The following KYNU variants were observed in gnomAD, a reference collection of about 807,000 sequenced individuals.
KYNU encodes the protein kynureninase, also known as L-kynurenine hydrolase.
In KYNU, 54 loss-of-function variants were observed where a neutral mutation model predicts 59.2. That is an observed-to-expected ratio of 0.91 (90% CI 0.73 to 1.14). The LOEUF (loss-of-function observed/expected upper bound fraction) is 1.14. KYNU is among the 50% of genes most tolerant of loss of function. The pLI, the probability that KYNU is intolerant of heterozygous loss-of-function variation, is 0.00. For missense variants in KYNU, 567 were observed against 554.4 expected (o/e 1.02, Z -0.23); for synonymous variants, 177 against 192.0 (o/e 0.92, Z 0.65).
chr2:143,009,877 C>T (rs1305890552), intron 10 of KYNU, among the ~76,000 whole-genome samples: 5 of 119,060 alleles, frequency 4.2e-5, no homozygotes, highest in Admixed American at 2.5e-4. Flanking sequence ...ATGCTAAAAA[C>T]TCTCAATAAA....
At chr2:142,980,741 G>T (rs1219646723) in intron 8 of KYNU, among the ~76,000 whole-genome samples, 1 of 152,096 alleles carries the variant, frequency 6.6e-6, no homozygotes, top group South Asian at 2.1e-4. Context: ...AGCTGTGTCA[G>T]TATGAGTGTG....
intron 10 of KYNU, chr2:142,988,695 A>G (rs947731683): frequency 1.9e-5 from 13 of 699,858 alleles, no homozygotes; most frequent in Non-Finnish European, 3.1e-5. Flanking sequence ...CACGTTAAGG[A>G]AAACCTTGGT....
rs189049745 is a variant in KYNU at position 143,025,756 on chromosome 2, T to C, written c.903-3871T>C. Among the ~76,000 whole-genome samples, 310 of 152,236 alleles carry C rather than the reference T, an allele frequency of 2.0e-3. 2 individuals carry two copies. Among genetic ancestry groups the C allele is most frequent in the African/African-American group, 6.5e-3 (272 of 41,558 alleles). On this transcript the variant is annotated intron_variant, in intron 10 of 13. Coordinates refer to ENST00000264170, the MANE Select transcript of KYNU (RefSeq NM_003937.3). ...ATCATCAATATAGGCAGAAGAACCA[T>C]TGGGGACAAAAAGAGAGGATTATTA...
chr2:143,047,362 A>T lies in KYNU; in HGVS notation c.*5190A>T, dbSNP rs1000027073. On this transcript the variant is annotated 3_prime_UTR_variant, in exon 14 of 14. Transcript: ENST00000264170. Reference sequence around the variant, plus strand: ...CATATTCGGATTATACGCATGAGGCATTGCACCAGCCCCATGTGTTATCTT... The same window carrying T: ...CATATTCGGATTATACGCATGAGGCTTTGCACCAGCCCCATGTGTTATCTT... The T allele has an allele frequency of 6.6e-6, 1 of 151,896 alleles. No homozygotes were observed. The highest frequency in any genetic ancestry group is 1.5e-5 in the Non-Finnish European group (1 of 67,964). The allele number at this position is 151,896 out of a possible 1,614,324, so 9.4% of individuals were successfully genotyped here. A position where few individuals can be genotyped will look rare whatever the true frequency, so the allele number is the denominator to read the frequency against.
At chr2:142,941,621 G>C (rs1352183819) in intron 4 of KYNU, among the ~76,000 whole-genome samples, 2 of 152,186 alleles carry the variant, frequency 1.3e-5, no homozygotes, top group Admixed American at 6.5e-5. Context: ...ATCAGAGTTA[G>C]GAAGGGTGTG....
At chr2:143,021,807 G>T (rs1432757876) in intron 10 of KYNU, among the ~76,000 whole-genome samples, 1 of 151,986 alleles carries the variant, frequency 6.6e-6, no homozygotes, top group African/African-American at 2.4e-5. Context: ...TTTGGGCAGG[G>T]ACACAATCCA....
intron 2 of KYNU, among the ~76,000 whole-genome samples, chr2:142,898,463 T>C (rs1681958576): frequency 9.9e-6 from 1 of 101,502 alleles, no homozygotes; most frequent in Non-Finnish European, 1.9e-5. Flanking sequence ...TATTCCCTAG[T>C]TCAAGGGAAA....
chr2:142,880,450 T>A (rs1681255558), intron 1 of KYNU, among the ~76,000 whole-genome samples: 1 of 152,240 alleles, frequency 6.6e-6, no homozygotes, highest in Non-Finnish European at 1.5e-5. Flanking sequence ...AAGTGACTCT[T>A]ACTTGCTGCT....
At position 142,929,026 on chromosome 2, in the gene KYNU, C is replaced by CAAA. The variant is rs1327485208; in HGVS notation, c.373+1289_373+1291dup. ...CTGTCTCAAAAAAAAAAAAAAAAAA[C>CAAA]AAAAAACGAACAACACTCACCTTCC... On this transcript the variant is annotated intron_variant, in intron 4 of 13. Transcript: ENST00000264170. 1.7e-5 allele frequency among the ~76,000 whole-genome samples: 2 copies of CAAA among 120,190 alleles called. 1 individual carries two copies. Among genetic ancestry groups the CAAA allele is most frequent in the African/African-American group, 6.5e-5 (2 of 30,696 alleles). 78.8% of individuals were successfully genotyped at this position (120,190 alleles called of 152,430 possible).
intron 3 of KYNU, among the ~76,000 whole-genome samples, chr2:142,920,909 G>T (rs1682858253): frequency 6.6e-6 from 1 of 152,120 alleles, no homozygotes. Context: ...AAAAGTGTTT[G>T]CTCATTATTA....
At chr2:142,961,813 T>C (rs911127213) in intron 8 of KYNU, among the ~76,000 whole-genome samples, 1 of 152,250 alleles carries the variant, frequency 6.6e-6, no homozygotes, top group Non-Finnish European at 1.5e-5. Context: ...AGCACTTCTA[T>C]TTCATTCAGC....
intron 2 of KYNU, among the ~76,000 whole-genome samples, chr2:142,903,893 T>C (rs904349966): frequency 6.6e-6 from 1 of 152,168 alleles, no homozygotes; most frequent in African/African-American, 2.4e-5. Flanking sequence ...ATTCAATTTG[T>C]CCAGACTTTC....
intron 8 of KYNU, among the ~76,000 whole-genome samples, chr2:142,970,430 A>G (rs1451184983): frequency 6.6e-6 from 1 of 152,204 alleles, no homozygotes; most frequent in Non-Finnish European, 1.5e-5. Flanking sequence ...GGAATAGGCC[A>G]TTCATGTTGA....
chr2:142,981,845 T>C (rs1685060144), intron 8 of KYNU, among the ~76,000 whole-genome samples: 1 of 152,064 alleles, frequency 6.6e-6, no homozygotes, highest in East Asian at 1.9e-4. Context: ...GGTAAGCACA[T>C]CTTTCCGTAA....
chr2:142,942,048 A>G (rs887324632), intron 4 of KYNU, among the ~76,000 whole-genome samples: 1 of 151,338 alleles, frequency 6.6e-6, no homozygotes, highest in South Asian at 2.1e-4. Flanking sequence ...ATGGTGGTAC[A>G]TTCCTGTAGT....
At chr2:143,022,529 C>T (rs1456916216) in intron 10 of KYNU, among the ~76,000 whole-genome samples, 1 of 151,910 alleles carries the variant, frequency 6.6e-6, no homozygotes, top group Non-Finnish European at 1.5e-5. Context: ...GATAATATCT[C>T]CCATACCTCT....
At chr2:142,882,562 G>A (rs1303470346) in intron 1 of KYNU, among the ~76,000 whole-genome samples, 1 of 152,106 alleles carries the variant, frequency 6.6e-6, no homozygotes, top group African/African-American at 2.4e-5. Context: ...TCCCACCTGT[G>A]AGTGAGAACA....
chr2:142,986,093 A>G (rs1307320890), intron 10 of KYNU, 72 bp downstream of exon 10: 33 of 1,042,822 alleles, frequency 3.2e-5, no homozygotes, highest in South Asian at 5.1e-5. Context: ...TTAAATTTAC[A>G]TGAGTTCCTT....
At chr2:142,889,487 T>G (rs1681631615) in intron 2 of KYNU, among the ~76,000 whole-genome samples, 1 of 152,198 alleles carries the variant, frequency 6.6e-6, no homozygotes, top group South Asian at 2.1e-4. Context: ...GATTTCAGTT[T>G]CTTTGACTCA....
Sources: allele counts gnomAD v4.1 joint callset (sites outside exome capture counted in the v4.1 genomes callset), GRCh38; gene constraint gnomAD v4.1.1; transcripts MANE v1.5; gene names NCBI Gene and HGNC (gene_info 2026-07-23, HGNC 2026-07-21).